CREBBP: variants seen among roughly 807,000 people sequenced by gnomAD.
CREBBP encodes the protein CREB-binding protein.
CREBBP carries 19 observed loss-of-function variants against 265.0 expected under a neutral mutation model. The observed-to-expected ratio is 0.07, with a 90% CI of 0.05 to 0.11. The LOEUF is 0.11. CREBBP is among the 10% of genes least tolerant of loss of function. CREBBP has a pLI of 1.00. For missense variants in CREBBP, 2,525 were observed against 3,219.0 expected (o/e 0.78, Z 5.22); for synonymous variants, 1,457 against 1,223.7 (o/e 1.19, Z -3.98).
intron 3 of CREBBP, among the ~76,000 whole-genome samples, chr16:3,806,879 G>A (rs561615117): frequency 1.3e-5 from 2 of 152,016 alleles, no homozygotes; most frequent in African/African-American, 4.8e-5. Flanking sequence ...AGCCAGTGCT[G>A]TCCCAATACC....
At chr16:3,835,282 C>T (rs2054422497) in intron 2 of CREBBP, among the ~76,000 whole-genome samples, 1 of 151,848 alleles carries the variant, frequency 6.6e-6, no homozygotes, top group African/African-American at 2.4e-5. Context: ...CTATGAAGGG[C>T]CAGTTAATAA....
chr16:3,875,304 C>CT (rs1491223744), intron 1 of CREBBP, among the ~76,000 whole-genome samples: 1 of 152,224 alleles, frequency 6.6e-6, no homozygotes, highest in Non-Finnish European at 1.5e-5. Context: ...GCTCTCACCC[C>CT]TCTCAGTTAT....
At chr16:3,764,853 G>T (rs2151397952) in intron 16 of CREBBP, among the ~76,000 whole-genome samples, 1 of 152,276 alleles carries the variant, frequency 6.6e-6, no homozygotes, top group South Asian at 2.1e-4. Context: ...AAAGTGCTGA[G>T]ATTACAGATG....
chr16:3,849,441 G>GTGATGTGCGTGACCT (rs2054763033), intron 2 of CREBBP, among the ~76,000 whole-genome samples: 1 of 17,942 alleles, frequency 5.6e-5, no homozygotes, highest in African/African-American at 1.0e-4. Flanking sequence ...GTGTGTGTGT[G>GTGATGTGCGTGACCT]TGTGTGTGTG....
At chr16:3,748,768 C>A (rs1236515778) in intron 21 of CREBBP, among the ~76,000 whole-genome samples, 1 of 152,172 alleles carries the variant, frequency 6.6e-6, no homozygotes, top group African/African-American at 2.4e-5. Context: ...GAGGCTACCA[C>A]ACTGAAAAAA....
chr16:3,807,785 G>A (rs569673112), intron 3 of CREBBP, among the ~76,000 whole-genome samples: 16 of 152,132 alleles, frequency 1.1e-4, no homozygotes, highest in African/African-American at 3.9e-4. Flanking sequence ...AAGATGTTGG[G>A]GAGACCATGT....
intron 2 of CREBBP, among the ~76,000 whole-genome samples, chr16:3,817,820 G>A (rs931643871): frequency 2.6e-5 from 4 of 152,168 alleles, no homozygotes; most frequent in Non-Finnish European, 5.9e-5. Flanking sequence ...GGGCAGGGGA[G>A]GGAGCATTTG....
intron 19 of CREBBP, among the ~76,000 whole-genome samples, chr16:3,756,686 G>A (rs1000878684): frequency 6.6e-6 from 1 of 152,264 alleles, no homozygotes; most frequent in East Asian, 1.9e-4. Flanking sequence ...CTTTTCCTCT[G>A]CCTTATAGGA....
chr16:3,797,296 T>C (rs111915465), intron 3 of CREBBP, among the ~76,000 whole-genome samples: 109 of 152,336 alleles, frequency 7.2e-4, no homozygotes, highest in African/African-American at 2.3e-3. Flanking sequence ...CAATCTATAT[T>C]GCCAGATACT....
chr16:3,852,153 ATTTGTTTTTTTTTTTTT>A (rs1418405305), intron 1 of CREBBP, among the ~76,000 whole-genome samples: 4 of 105,834 alleles, frequency 3.8e-5, no homozygotes, highest in African/African-American at 1.5e-4. Flanking sequence ...CCAATCTTAA[ATTTGTTTTTTTTTTTTT>A]TTTTTTTTTT....
chr16:3,772,097 G>A (rs1011093796), intron 13 of CREBBP, among the ~76,000 whole-genome samples: 2 of 151,910 alleles, frequency 1.3e-5, no homozygotes, highest in Non-Finnish European at 2.9e-5. Flanking sequence ...GGGAGCTACT[G>A]TACATTGACC....
chr16:3,790,366 C>CTT (rs57582399), intron 5 of CREBBP, among the ~76,000 whole-genome samples: 792 of 66,530 alleles, frequency 0.012, 2 homozygotes, highest in Middle Eastern at 0.019. Context: ...AGGAAACTGG[C>CTT]TTTTTTTTTT....
chr16:3,840,782 A>C (rs2054550937), intron 2 of CREBBP: 1 of 154,816 alleles, frequency 6.5e-6, no homozygotes, highest in Non-Finnish European at 1.5e-5. Context: ...GAGAAGATTT[A>C]AGAACACTCC....
In CREBBP at chr16:3,769,256, G is replaced by A. The variant is rs767573846; in HGVS notation, c.2978C>T (p.Pro993Leu). 2 of 1,614,170 alleles carry A rather than the reference G, an allele frequency of 1.2e-6. No homozygotes were observed. Among genetic ancestry groups the A allele is most frequent in the Non-Finnish European group, 1.7e-6 (2 of 1,180,034 alleles). The change falls in exon 15 of 31, where the codon CCT becomes CTT. Residue 993 changes from proline (P) to leucine (L), a missense_variant. Pro to Leu is a moderately conservative substitution (Grantham distance 98). This residue lies in a region of CREBBP where 548 missense variants were observed against 533.0 expected (regional missense o/e 1.03). Coordinates refer to ENST00000262367, the MANE Select transcript of CREBBP (RefSeq NM_004380.3). Reference protein sequence around the residue: ...TNSQQPGPDVPVLEMKTETQA... With the variant: ...TNSQQPGPDVLVLEMKTETQA... The stretch of plus-strand genomic sequence containing the variant: ...GGTCTCCGTCTTCATTTCCAGCACA[G>A]GTACGTCAGGTCCTGGCTGCTGGGA...
Position 3,729,098 on chromosome 16 carries a change from T to A in CREBBP, c.5949A>T (p.Pro1983=). 1 of 1,580,704 alleles carries A rather than the reference T, an allele frequency of 6.3e-7. No individual in the cohort carries two copies. The change falls in exon 31 of 31, where the codon CCA becomes CCT. Residue 1983 remains proline, a synonymous_variant. Transcript: ENST00000262367. ...YRVNINNSMP[P]GRTGMGTPGS... ...CCGGGGTCCCCATGCCCGTGCGTCC[T>A]GGGGGCATGCTGTTGTTGATGTTCA...
At chr16:3,740,304 G>C in intron 24 of CREBBP, 95 bp downstream of exon 24, 5 of 1,487,376 alleles carry the variant, frequency 3.4e-6, no homozygotes, top group Non-Finnish European at 4.7e-6. Flanking sequence ...GTCTTGGAAG[G>C]ATGACCTCAA....
At chr16:3,864,267 TG>T (rs777930780) in intron 1 of CREBBP, among the ~76,000 whole-genome samples, 1 of 152,116 alleles carries the variant, frequency 6.6e-6, no homozygotes, top group East Asian at 1.9e-4. Flanking sequence ...AAAGCAGACT[TG>T]GAAGTGCCAG....
Position 3,793,646 on chromosome 16 carries a change from T to TA in CREBBP, c.976-21dup, listed in dbSNP as rs1415841919. 1.9e-6 allele frequency: 3 copies of TA among 1,611,076 alleles called. No individual in the cohort carries two copies. Among genetic ancestry groups the TA allele is most frequent in the Non-Finnish European group, 2.5e-6 (3 of 1,179,332 alleles). On this transcript the variant is annotated intron_variant, in intron 3 of 30. Coordinates refer to ENST00000262367, the MANE Select transcript of CREBBP (RefSeq NM_004380.3). ...CTGAGACTAAAATAAAGCAAAATAA[T>TA]AAAAATACTTTAACCTCTCAGAGTT...
In CREBBP at chr16:3,782,999, A is replaced by G; in HGVS notation, c.1331-73T>C. ...GGGAGAAGCCCACGAATGATTTAAAAACTATTGAGAAGCAAATACATTTCA... is the reference window on the plus strand; with the variant it reads ...GGGAGAAGCCCACGAATGATTTAAAGACTATTGAGAAGCAAATACATTTCA... On this transcript the variant is annotated intron_variant, in intron 5 of 30. Coordinates refer to ENST00000262367, the MANE Select transcript of CREBBP (RefSeq NM_004380.3). 4 of 1,580,220 alleles carry G rather than the reference A, an allele frequency of 2.5e-6. No homozygotes were observed. In the South Asian group the frequency reaches 4.5e-5, roughly 18 times the overall value.
Sources: gnomAD v4.1 joint callset for allele counts (sites outside exome capture counted in the v4.1 genomes callset) on GRCh38, gnomAD v4.1.1 for gene constraint, gnomAD v4.1.1 regional missense constraint, MANE v1.5 for transcripts, NCBI Gene and HGNC (gene_info 2026-07-23, HGNC 2026-07-21) for gene names.